CDC42BPA: variants seen among roughly 807,000 people sequenced by gnomAD.
CDC42BPA encodes the protein serine/threonine-protein kinase MRCK alpha.
A neutral mutation model predicts 223.5 loss-of-function variants in CDC42BPA; 80 were observed. That is an observed-to-expected ratio of 0.36 (90% confidence interval 0.30 to 0.43). The LOEUF (loss-of-function observed/expected upper bound fraction) is 0.43. Among genes scored for constraint, CDC42BPA ranks in the 20% least tolerant of loss-of-function variants. The probability of loss-of-function intolerance (pLI) is 1.00; values close to 1 mark genes in which losing one functional copy is unlikely to be tolerated. For synonymous variants in CDC42BPA, 694 were observed against 718.6 expected (o/e 0.97, Z 0.55); for missense variants, 1,743 against 2,099.9 (o/e 0.83, Z 3.32).
rs1694616579 is a variant in CDC42BPA, at chr1:227,317,657, G to A, written c.-475C>T. 2.5e-6 allele frequency: 1 copy of A among 395,362 alleles called. No individual in the cohort carries two copies. The highest frequency in any genetic ancestry group is 4.5e-6 in the Non-Finnish European group (1 of 224,418). 24.5% of individuals were successfully genotyped at this position (395,362 alleles called of 1,614,324 possible). ...CCGGGAAGAAGAAAAACAGAAAAGG[G>A]AGGAAAAAAACAGAATGCATAGAAG... On this transcript the variant is annotated 5_prime_UTR_variant, in exon 1 of 37. Transcript: ENST00000366766.
At chr1:227,261,618 A>G (rs559701046) in intron 1 of CDC42BPA, among the ~76,000 whole-genome samples, 6 of 152,276 alleles carry the variant, frequency 3.9e-5, no homozygotes, top group Admixed American at 2.0e-4. Context: ...TTAGAAATAA[A>G]GAAAAATAAT....
intron 29 of CDC42BPA, among the ~76,000 whole-genome samples, chr1:227,029,684 G>A (rs1377464316): frequency 6.6e-6 from 1 of 152,146 alleles, no homozygotes; most frequent in Non-Finnish European, 1.5e-5. Flanking sequence ...TGAATACCAA[G>A]TTATATTGGT....
intron 35 of CDC42BPA, 120 bp downstream of exon 35, chr1:227,004,874 A>T (rs1558260092): frequency 1.3e-6 from 1 of 799,764 alleles, no homozygotes; most frequent in East Asian, 2.4e-5. Flanking sequence ...GAGACACTGC[A>T]GCCACTTGAG....
intron 2 of CDC42BPA, among the ~76,000 whole-genome samples, chr1:227,231,897 T>C (rs1238432582): frequency 1.3e-5 from 2 of 152,262 alleles, no homozygotes; most frequent in African/African-American, 2.4e-5. Context: ...CTTTGTCAGA[T>C]GAGTAGATTG....
rs145787043 is a variant in CDC42BPA at position 227,071,067 on chromosome 1, C to T, written c.2827+1141G>A. Among the ~76,000 whole-genome samples the T allele has an allele frequency of 4.0e-3, 613 of 152,018 alleles. 1 individual carries two copies. The highest frequency in any genetic ancestry group is 0.014 in the African/African-American group (567 of 41,538). On this transcript the variant is annotated intron_variant, in intron 20 of 36. Coordinates refer to ENST00000366766, the MANE Select transcript of CDC42BPA (RefSeq NM_001394014.1). ...TTTCATTTTGGCATGATGGCTTGTG[C>T]TCCTAATCTGAATTACTATTCACTT...
At chr1:227,196,793 C>G (rs904034566) in intron 4 of CDC42BPA, among the ~76,000 whole-genome samples, 1 of 152,054 alleles carries the variant, frequency 6.6e-6, no homozygotes, top group Non-Finnish European at 1.5e-5. Flanking sequence ...TATGTCAGTG[C>G]AAGATATTTT....
intron 29 of CDC42BPA, 58 bp from the exon 30 acceptor site, chr1:227,029,308 A>G: frequency 9.1e-7 from 1 of 1,096,442 alleles, no homozygotes; most frequent in Non-Finnish European, 1.3e-6. Context: ...TCATATCCCA[A>G]TTATACTCAA....
chr1:227,125,602 T>TAAA (rs78634914), intron 11 of CDC42BPA, among the ~76,000 whole-genome samples: 3 of 117,582 alleles, frequency 2.6e-5, no homozygotes, highest in African/African-American at 6.6e-5. Context: ...GTCTACAAAT[T>TAAA]AAAAAAAAAA....
intron 2 of CDC42BPA, among the ~76,000 whole-genome samples, chr1:227,231,059 A>G (rs1439871751): frequency 2.0e-5 from 3 of 151,782 alleles, no homozygotes; most frequent in Admixed American, 1.3e-4. Flanking sequence ...ATATGTATAC[A>G]TGTGCCATGT....
Position 226,994,506 on chromosome 1 carries a change from A to G in CDC42BPA, c.5134-107T>C. The G allele has an allele frequency of 7.5e-7, 1 of 1,326,986 alleles. No individual in the cohort carries two copies. The highest frequency in any genetic ancestry group is 1.0e-6 in the Non-Finnish European group (1 of 996,756). The allele number at this position is 1,326,986 out of a possible 1,614,324, so 82.2% of individuals were successfully genotyped here. On this transcript the variant is annotated intron_variant, in intron 36 of 36. Transcript: ENST00000366766. The surrounding 1 kb of genome is among the most constrained non-coding windows in gnomAD (Gnocchi z 4.0). ...CCAGCCACCCTGACCAAATAACCCCATGGGGCGGCCTCACTGTCGGTATAA... is the reference window on the plus strand; with the variant it reads ...CCAGCCACCCTGACCAAATAACCCCGTGGGGCGGCCTCACTGTCGGTATAA...
In CDC42BPA at chr1:227,107,051, T is replaced by C. The variant is rs566491348; in HGVS notation, c.2001+5261A>G. ...GCTGTCCAGGTCCTTTGCAATTCCA[T>C]ATGAATTTGAGGATCAGCTTTTTAT... On this transcript the variant is annotated intron_variant, in intron 14 of 36. Coordinates refer to ENST00000366766, the MANE Select transcript of CDC42BPA (RefSeq NM_001394014.1). Among the ~76,000 whole-genome samples, 3 of 152,340 alleles carry C rather than the reference T, an allele frequency of 2.0e-5. No homozygotes were observed. The East Asian group carries it at 5.8e-4, about 29-fold the overall frequency.
At chr1:227,166,732 A>G (rs1665102933) in intron 5 of CDC42BPA, among the ~76,000 whole-genome samples, 1 of 152,218 alleles carries the variant, frequency 6.6e-6, no homozygotes, top group South Asian at 2.1e-4. Flanking sequence ...GAAGCCACAC[A>G]TTCCAATTCC....
rs570709336 is a variant in CDC42BPA at position 227,223,830 on chromosome 1, T to A, written c.271-10611A>T. Among the ~76,000 whole-genome samples, 9 of 152,294 alleles carry A rather than the reference T, an allele frequency of 5.9e-5. No homozygotes were observed. The South Asian group carries it at 1.9e-3, about 32-fold the overall frequency. ...ATATGAGACTCTTTCAGGATGCTGG[T>A]CAGTTGCAGCGAGCCACAGCTCTCA... is the stretch of plus-strand genomic sequence containing the variant. On this transcript the variant is annotated intron_variant, in intron 2 of 36. Coordinates refer to ENST00000366766, the MANE Select transcript of CDC42BPA (RefSeq NM_001394014.1).
intron 3 of CDC42BPA, among the ~76,000 whole-genome samples, chr1:227,201,671 G>GCA (rs772323383): frequency 1.9e-3 from 230 of 124,056 alleles, no homozygotes; most frequent in East Asian, 5.0e-3. Flanking sequence ...ATGTGCACGT[G>GCA]CACACACATA....
chr1:227,289,220 T>C (rs911436945), intron 1 of CDC42BPA, among the ~76,000 whole-genome samples: 8 of 152,148 alleles, frequency 5.3e-5, no homozygotes, highest in African/African-American at 1.9e-4. Flanking sequence ...GCACTGGCTT[T>C]AACCCTTAGA....
At chr1:227,096,433 C>T (rs543850844) in intron 15 of CDC42BPA, among the ~76,000 whole-genome samples, 1 of 152,322 alleles carries the variant, frequency 6.6e-6, no homozygotes, top group Non-Finnish European at 1.5e-5. Context: ...TCTTCCCACT[C>T]ACTGGTAAGC....
At position 227,033,384 on chromosome 1, in the gene CDC42BPA, C is replaced by T. The variant is rs56219089; in HGVS notation, c.3508G>A (p.Ala1170Thr). 1.4e-4 allele frequency: 229 copies of T among 1,613,404 alleles called. No individual in the cohort carries two copies. Among genetic ancestry groups the T allele is most frequent in the Non-Finnish European group, 1.9e-4 (220 of 1,179,564 alleles). ...CGACTTGCATGGATAACATCAGAAG[C>T]CAAGACTGAACTCACAGAAAATTCT... is the stretch of plus-strand genomic sequence containing the variant. Reference protein sequence around the residue: ...DEEFSVSSVLASDVIHASRKD... With the variant: ...DEEFSVSSVLTSDVIHASRKD... Residue 1170 changes from alanine to threonine, a missense_variant, in exon 27 of 37, where the codon GCT becomes ACT. Transcript: ENST00000366766.
intron 31 of CDC42BPA, among the ~76,000 whole-genome samples, chr1:227,025,558 G>A (rs1176437748): frequency 6.6e-6 from 1 of 151,866 alleles, no homozygotes; most frequent in African/African-American, 2.4e-5. Flanking sequence ...TATGGAAACA[G>A]GATTATATAT....
chr1:227,152,023 T>C (rs1295537106), intron 6 of CDC42BPA, among the ~76,000 whole-genome samples: 2 of 151,970 alleles, frequency 1.3e-5, no homozygotes, highest in South Asian at 2.1e-4. Flanking sequence ...ACTCTGTCTC[T>C]AAAATAAAAT....
Sources: allele counts gnomAD v4.1 joint callset (sites outside exome capture counted in the v4.1 genomes callset), GRCh38; gene constraint gnomAD v4.1.1; non-coding constraint Gnocchi (gnomAD v3.1); transcripts MANE v1.5; gene names NCBI Gene and HGNC (gene_info 2026-07-23, HGNC 2026-07-21).